The following MRS2 variants were observed in gnomAD, a reference collection of about 807,000 sequenced individuals.
MRS2 encodes the protein magnesium transporter MRS2 homolog, mitochondrial.
In MRS2, 40 loss-of-function variants were observed where a neutral mutation model predicts 52.6. That is an observed-to-expected ratio of 0.76 (90% CI 0.59 to 0.99). The LOEUF (loss-of-function observed/expected upper bound fraction) is 0.99. MRS2 is among the 50% of genes least tolerant of loss of function. MRS2 has a pLI of 0.00. For missense variants in MRS2, 472 were observed against 532.7 expected, an observed-to-expected ratio of 0.89 and a Z score of 1.12; for synonymous variants, 193 against 195.9, an observed-to-expected ratio of 0.98 and a Z score of 0.13.
At chr6:24,405,303 G>T in intron 2 of MRS2, 62 bp downstream of exon 2, 2 of 1,188,118 alleles carry the variant, frequency 1.7e-6, no homozygotes, top group Non-Finnish European at 2.5e-6. Context: ...AAGTTAACTC[G>T]TTGGACTGTT....
At chr6:24,418,263 T>C (rs1312060901) in intron 8 of MRS2, 27 bp downstream of exon 8, 1 of 1,521,126 alleles carries the variant, frequency 6.6e-7, no homozygotes, top group East Asian at 2.3e-5. Flanking sequence ...TAAAACTAAG[T>C]TTTTTTAATA....
intron 7 of MRS2, among the ~76,000 whole-genome samples, chr6:24,417,681 T>C (rs2753923): frequency 0.59 from 89,515 of 151,884 alleles, 26,954 homozygotes; most frequent in East Asian, 0.83. Flanking sequence ...CTGTGGCTCA[T>C]GCCTGTAATC....
At chr6:24,410,023 CTT>C (rs1484011303) in intron 4 of MRS2, among the ~76,000 whole-genome samples, 1 of 151,934 alleles carries the variant, frequency 6.6e-6, no homozygotes, top group Admixed American at 6.6e-5. Context: ...GAGTTTTGCT[CTT>C]GTTGCCCAGG....
At chr6:24,409,639 C>A in intron 4 of MRS2, 66 bp downstream of exon 4, 1 of 983,772 alleles carries the variant, frequency 1.0e-6, no homozygotes, top group Non-Finnish European at 1.5e-6. Context: ...TTCTAACTAT[C>A]TTGATTAGTA....
chr6:24,415,232 G>C, intron 6 of MRS2, 69 bp downstream of exon 6: 1 of 1,465,640 alleles, frequency 6.8e-7, no homozygotes, highest in South Asian at 1.5e-5. Context: ...TTAACATTTT[G>C]TTTCATAACT....
intron 5 of MRS2, among the ~76,000 whole-genome samples, chr6:24,414,304 G>C (rs912180109): frequency 6.6e-6 from 1 of 151,950 alleles, no homozygotes; most frequent in Non-Finnish European, 1.5e-5. Flanking sequence ...GCCGCCTTCC[G>C]CAGTGTTTGT....
At position 24,410,917 on chromosome 6, in the gene MRS2, G is replaced by A. The variant is rs1761627008; in HGVS notation, c.415-1305G>A. 8 of 548,806 alleles carry A rather than the reference G, an allele frequency of 1.5e-5. No homozygotes were observed. In the East Asian group the frequency reaches 2.7e-4, roughly 19 times the overall value. 34.0% of individuals were successfully genotyped at this position (548,806 alleles called of 1,614,324 possible). A position where few individuals can be genotyped will look rare whatever the true frequency, so the allele number is the denominator to read the frequency against. On this transcript the variant is annotated intron_variant, in intron 4 of 10. Coordinates refer to ENST00000378386, the MANE Select transcript of MRS2 (RefSeq NM_020662.4). ...AAAAATTTTCATGAGGCTAGGTTGT[G>A]GTGGCTCACATCTGTAATCCCAGCA... is the stretch of plus-strand genomic sequence containing the variant.
At position 24,423,757 on chromosome 6, in the gene MRS2, T is replaced by C. The variant is rs372921841; in HGVS notation, c.*63T>C. 256 of 745,196 alleles carry C rather than the reference T, an allele frequency of 3.4e-4. 1 individual carries two copies. In the African/African-American group the frequency reaches 4.1e-3, roughly 12 times the overall value. 46.2% of individuals were successfully genotyped at this position (745,196 alleles called of 1,614,324 possible). ...GTTACAGGAAACTTCTGATACTCTTTTTATTATTTTCTTGTATAGAGTCAG... is the reference window on the plus strand; with the variant it reads ...GTTACAGGAAACTTCTGATACTCTTCTTATTATTTTCTTGTATAGAGTCAG... On this transcript the variant is annotated 3_prime_UTR_variant, in exon 11 of 11. Transcript: ENST00000378386.
At position 24,418,446 on chromosome 6, in the gene MRS2, T is replaced by C; in HGVS notation, c.990-15T>C. On this transcript the variant is annotated splice_polypyrimidine_tract_variant and intron_variant, in intron 8 of 10. Coordinates refer to ENST00000378386, the MANE Select transcript of MRS2 (RefSeq NM_020662.4). ...AGTGGGCCCTTCTAATCTGAATAGG[T>C]GTTCTCCTCTCCAGCCACCGAAACG... 1.2e-6 allele frequency: 2 copies of C among 1,613,852 alleles called. No homozygotes were observed. Among genetic ancestry groups the C allele is most frequent in the Non-Finnish European group, 8.5e-7 (1 of 1,179,890 alleles).
chr6:24,408,108 A>G (rs898401325), intron 2 of MRS2, among the ~76,000 whole-genome samples: 1 of 152,224 alleles, frequency 6.6e-6, no homozygotes, highest in African/African-American at 2.4e-5. Flanking sequence ...CATTTTTACC[A>G]TAAGGATTGT....
rs1392407870 is a variant in MRS2 at position 24,418,309 on chromosome 6, G to T, written c.989+73G>T. 5 of 1,478,800 alleles carry T rather than the reference G, an allele frequency of 3.4e-6. No homozygotes were observed. In the African/African-American group the frequency reaches 7.2e-5, roughly 21 times the overall value. The allele number at this position is 1,478,800 out of a possible 1,614,324, so 91.6% of individuals were successfully genotyped here. A position where few individuals can be genotyped will look rare whatever the true frequency, so the allele number is the denominator to read the frequency against. On this transcript the variant is annotated intron_variant, in intron 8 of 10. Coordinates refer to ENST00000378386, the MANE Select transcript of MRS2 (RefSeq NM_020662.4). ...AAGAAAGTTTTTAAGGAAATATTTTGTGAGGAATTACGCCATCATTATCAT... is the reference window on the plus strand; with the variant it reads ...AAGAAAGTTTTTAAGGAAATATTTTTTGAGGAATTACGCCATCATTATCAT...
At chr6:24,415,284 A>C (rs1761809709) in intron 6 of MRS2, 121 bp downstream of exon 6, 10 of 951,974 alleles carry the variant, frequency 1.1e-5, no homozygotes, top group Non-Finnish European at 1.3e-5. Context: ...AAGTTGAGCT[A>C]AAAGGGGCAC....
chr6:24,407,197 ATT>A (rs1761504002), intron 2 of MRS2, among the ~76,000 whole-genome samples: 1 of 70,198 alleles, frequency 1.4e-5, no homozygotes, highest in Non-Finnish European at 4.9e-5. Context: ...TGTTACGTAT[ATT>A]TATTTTCAAA....
At chr6:24,411,983 G>A (rs1275764666) in intron 4 of MRS2, among the ~76,000 whole-genome samples, 1 of 143,348 alleles carries the variant, frequency 7.0e-6, no homozygotes, top group East Asian at 2.2e-4. Context: ...TATTTTTTAA[G>A]TTTCTTTTCT....
At position 24,412,369 on chromosome 6, in the gene MRS2, G is replaced by T. The variant is rs777569528; in HGVS notation, c.562G>T (p.Ala188Ser). Residue 188 changes from alanine (A) to serine (S), a missense_variant, in exon 5 of 11, where the codon GCT becomes TCT. Coordinates refer to ENST00000378386, the MANE Select transcript of MRS2 (RefSeq NM_020662.4). ...VTYPLPFEFR[A>S]IEALLQYWIN... Reference sequence around the variant, plus strand: ...ATACCCTTTACCTTTTGAGTTTAGAGCTATAGAAGCACTCCTGCAATATTG... The same window carrying T: ...ATACCCTTTACCTTTTGAGTTTAGATCTATAGAAGCACTCCTGCAATATTG... 3.8e-6 allele frequency: 6 copies of T among 1,578,060 alleles called. No homozygotes were observed. Among genetic ancestry groups the T allele is most frequent in the Admixed American group, 1.9e-5 (1 of 52,414 alleles).
chr6:24,421,300 G>A (rs1343696902), intron 9 of MRS2, among the ~76,000 whole-genome samples: 1 of 152,200 alleles, frequency 6.6e-6, no homozygotes, highest in Non-Finnish European at 1.5e-5. Context: ...AATGAGATAA[G>A]AGTGGTAGGT....
At chr6:24,403,321 C>CGCGA in intron 1 of MRS2, 85 bp downstream of exon 1, 2 of 1,333,030 alleles carry the variant, frequency 1.5e-6, no homozygotes, top group Admixed American at 3.0e-5. Flanking sequence ...GCGCGGCGCG[C>CGCGA]CTGTTGCTCC....
At chr6:24,408,817 CACAT>C (rs1215244859) in intron 3 of MRS2, among the ~76,000 whole-genome samples, 6 of 152,172 alleles carry the variant, frequency 3.9e-5, no homozygotes, top group African/African-American at 1.2e-4. Context: ...AAGGCAGAGT[CACAT>C]AATACCACTG....
chr6:24,403,077 C>T lies in MRS2; in HGVS notation c.31C>T (p.Leu11=). Reference sequence around the variant, plus strand: ...ATGCCTGCGCAGTTTACCCTGCCTCCTGCCCCGCGCGATGAGACTTCCCCG... The same window carrying T: ...ATGCCTGCGCAGTTTACCCTGCCTCTTGCCCCGCGCGATGAGACTTCCCCG... MECLRSLPCL[L]PRAMRLPRRT... The change falls in exon 1 of 11, where the codon CTG becomes TTG. Residue 11 remains leucine (L), a synonymous_variant. Coordinates refer to ENST00000378386, the MANE Select transcript of MRS2 (RefSeq NM_020662.4). 1 of 1,611,682 alleles carries T rather than the reference C, an allele frequency of 6.2e-7. No individual in the cohort carries two copies.
Sources: gnomAD v4.1 joint callset for allele counts (sites outside exome capture counted in the v4.1 genomes callset) on GRCh38, gnomAD v4.1.1 for gene constraint, MANE v1.5 for transcripts, NCBI Gene and HGNC (gene_info 2026-07-23, HGNC 2026-07-21) for gene names.